PRKD1: variants seen among roughly 807,000 people sequenced by gnomAD.
PRKD1 encodes the protein serine/threonine-protein kinase D1.
PRKD1 carries 63 observed loss-of-function variants against 95.9 expected under a neutral mutation model. The ratio of observed to expected loss-of-function variants is 0.66; its 90% CI spans 0.54 to 0.81. PRKD1 has a LOEUF of 0.81. PRKD1 is among the 30% of genes least tolerant of loss of function. The pLI, the probability that PRKD1 is intolerant of heterozygous loss-of-function variation, is 0.00. For synonymous variants in PRKD1, 425 were observed against 423.1 expected, an observed-to-expected ratio of 1.00 and a Z score of -0.05; for missense variants, 1,048 against 1,165.3, an observed-to-expected ratio of 0.90 and a Z score of 1.47.
At chr14:29,746,140 C>T (rs957215051) in intron 1 of PRKD1, among the ~76,000 whole-genome samples, 1 of 152,078 alleles carries the variant, frequency 6.6e-6, no homozygotes, top group African/African-American at 2.4e-5. Flanking sequence ...TGTGGAACCT[C>T]CAGGTCTCTG....
chr14:29,576,535 G>A lies in PRKD1; in HGVS notation c.*703C>T, dbSNP rs1394375747. On this transcript the variant is annotated 3_prime_UTR_variant, in exon 18 of 18. Transcript: ENST00000331968. ...ATACACAAAGGTGAAAGGTTGCTGAGCAGCTGATTTTCCATAGTACAACAG... is the reference window on the plus strand; with the variant it reads ...ATACACAAAGGTGAAAGGTTGCTGAACAGCTGATTTTCCATAGTACAACAG... 1 of 152,636 alleles carries A rather than the reference G, an allele frequency of 6.6e-6. No homozygotes were observed. The highest frequency in any genetic ancestry group is 1.5e-5 in the Non-Finnish European group (1 of 68,082). 9.5% of individuals were successfully genotyped at this position (152,636 alleles called of 1,614,324 possible). A position where few individuals can be genotyped will look rare whatever the true frequency, so the allele number is the denominator to read the frequency against.
At chr14:29,655,924 AAT>A (rs573500211) in intron 4 of PRKD1, among the ~76,000 whole-genome samples, 6 of 149,510 alleles carry the variant, frequency 4.0e-5, no homozygotes, top group Admixed American at 6.7e-5. Flanking sequence ...TATAATAAAA[AAT>A]ATATATATAT....
At chr14:29,808,866 T>C (rs1219260472) in intron 1 of PRKD1, among the ~76,000 whole-genome samples, 2 of 152,236 alleles carry the variant, frequency 1.3e-5, no homozygotes, top group African/African-American at 2.4e-5. Flanking sequence ...AGATTCTTAA[T>C]GGCATTTAGA....
chr14:29,926,256 A>C (rs1895290729), intron 1 of PRKD1, among the ~76,000 whole-genome samples: 1 of 152,118 alleles, frequency 6.6e-6, no homozygotes, highest in African/African-American at 2.4e-5. Flanking sequence ...AAGGAGTGCT[A>C]GCCAGTCCTC....
rs1890287603 is a variant in PRKD1 at position 29,807,555 on chromosome 14, C to A, written c.265-81881G>T. On this transcript the variant is annotated intron_variant, in intron 1 of 17. Transcript: ENST00000331968. ...GGGACTACCGGTGTGTGCCACCATGCCTGGCTAATTTTTGTATTTTTTTCT... is the reference window on the plus strand; with the variant it reads ...GGGACTACCGGTGTGTGCCACCATGACTGGCTAATTTTTGTATTTTTTTCT... 3.3e-5 allele frequency among the ~76,000 whole-genome samples: 5 copies of A among 151,492 alleles called. No individual in the cohort carries two copies. In the South Asian group the frequency reaches 8.4e-4, roughly 25 times the overall value.
intron 16 of PRKD1, among the ~76,000 whole-genome samples, chr14:29,593,625 A>G (rs187702161): frequency 6.6e-6 from 1 of 152,328 alleles, no homozygotes; most frequent in African/African-American, 2.4e-5. Context: ...CTGCTAGGGT[A>G]TCATTGCTTT....
intron 10 of PRKD1, 47 bp downstream of exon 10, chr14:29,630,695 T>A: frequency 6.2e-7 from 1 of 1,610,982 alleles, no homozygotes. Context: ...AAGCAAGGGG[T>A]AGGCACATGA....
chr14:29,769,187 G>A (rs929395266), intron 1 of PRKD1, among the ~76,000 whole-genome samples: 2 of 152,044 alleles, frequency 1.3e-5, no homozygotes, highest in Non-Finnish European at 2.9e-5. Context: ...ACCAAAACAC[G>A]GTAGACCTAT....
At chr14:29,908,296 T>A (rs1294763437) in intron 1 of PRKD1, among the ~76,000 whole-genome samples, 1 of 152,186 alleles carries the variant, frequency 6.6e-6, no homozygotes, top group African/African-American at 2.4e-5. Context: ...GCATATTACA[T>A]CAGTAATCTT....
intron 1 of PRKD1, among the ~76,000 whole-genome samples, chr14:29,893,159 A>C (rs1893997948): frequency 6.6e-6 from 1 of 152,168 alleles, no homozygotes; most frequent in African/African-American, 2.4e-5. Flanking sequence ...ATACTCTGAC[A>C]GATTAGTATA....
intron 10 of PRKD1, 59 bp downstream of exon 10, chr14:29,630,683 C>T: frequency 6.2e-7 from 1 of 1,600,966 alleles, no homozygotes; most frequent in Non-Finnish European, 8.5e-7. Flanking sequence ...CACATGTTTA[C>T]TAAGCAAGGG....
At chr14:29,645,788 A>C (rs1881085355) in intron 4 of PRKD1, among the ~76,000 whole-genome samples, 1 of 151,944 alleles carries the variant, frequency 6.6e-6, no homozygotes, top group Non-Finnish European at 1.5e-5. Flanking sequence ...TTTCCTCCTT[A>C]TTCTTCAGAT....
intron 2 of PRKD1, among the ~76,000 whole-genome samples, chr14:29,722,287 G>A (rs1215319635): frequency 1.3e-5 from 2 of 152,256 alleles, no homozygotes; most frequent in South Asian, 2.1e-4. Flanking sequence ...AGCACCCTTC[G>A]TGTCCCCTTC....
At chr14:29,599,970 T>C (rs1893456929) in intron 13 of PRKD1, among the ~76,000 whole-genome samples, 153 bp from the exon 14 acceptor site, 1 of 152,248 alleles carries the variant, frequency 6.6e-6, no homozygotes, top group Non-Finnish European at 1.5e-5. Flanking sequence ...TGCTGCCTTA[T>C]ATTTTTGAAA....
At chr14:29,865,944 G>A (rs1034075380) in intron 1 of PRKD1, among the ~76,000 whole-genome samples, 1 of 151,992 alleles carries the variant, frequency 6.6e-6, no homozygotes, top group African/African-American at 2.4e-5. Flanking sequence ...GACAATTCAG[G>A]TTTATAAGAT....
chr14:29,635,550 C>T (rs560778331), intron 7 of PRKD1, among the ~76,000 whole-genome samples: 58 of 152,220 alleles, frequency 3.8e-4, no homozygotes, highest in African/African-American at 1.2e-3. Flanking sequence ...ACATGGCATT[C>T]GTAAAATGGA....
chr14:29,797,485 T>C (rs1274076507), intron 1 of PRKD1, among the ~76,000 whole-genome samples: 4 of 152,176 alleles, frequency 2.6e-5, no homozygotes, highest in African/African-American at 7.2e-5. Context: ...ATATGAAACA[T>C]GTAAATATCA....
At chr14:29,699,052 T>C (rs747762095) in intron 2 of PRKD1, among the ~76,000 whole-genome samples, 7 of 152,298 alleles carry the variant, frequency 4.6e-5, no homozygotes, top group South Asian at 4.1e-4. Context: ...TTCTATTATA[T>C]AGTATTTAAT....
intron 4 of PRKD1, among the ~76,000 whole-genome samples, chr14:29,649,669 C>A (rs1566513337): frequency 6.6e-6 from 1 of 152,094 alleles, no homozygotes; most frequent in African/African-American, 2.4e-5. Flanking sequence ...ATTTATAGCG[C>A]CTTTGGCTGG....
Sources: gnomAD v4.1 joint callset for allele counts (sites outside exome capture counted in the v4.1 genomes callset) on GRCh38, gnomAD v4.1.1 for gene constraint, MANE v1.5 for transcripts, NCBI Gene and HGNC (gene_info 2026-07-23, HGNC 2026-07-21) for gene names.